The following FARSB variants were observed in gnomAD, a reference collection of about 807,000 sequenced individuals.
FARSB encodes phenylalanyl-tRNA synthetase subunit beta, also known as phenylalanine--tRNA ligase beta subunit.
A neutral mutation model predicts 69.6 loss-of-function variants in FARSB; 40 were observed. The ratio of observed to expected loss-of-function variants is 0.57; its 90% CI spans 0.45 to 0.75. The LOEUF is 0.75. FARSB is among the 30% of genes least tolerant of loss of function. FARSB has a pLI of 0.00. For missense variants in FARSB, 632 were observed against 722.9 expected, an observed-to-expected ratio of 0.87 and a Z score of 1.44; for synonymous variants, 235 against 247.2, an observed-to-expected ratio of 0.95 and a Z score of 0.46.
chr2:222,572,143 G>T, intron 16 of FARSB, 121 bp from the exon 17 acceptor site: 1 of 782,462 alleles, frequency 1.3e-6, no homozygotes, highest in Non-Finnish European at 2.0e-6. Context: ...CACTGGCTAT[G>T]AAAAGAGAAC....
At chr2:222,605,319 G>A (rs557726629) in intron 15 of FARSB, among the ~76,000 whole-genome samples, 2 of 152,018 alleles carry the variant, frequency 1.3e-5, no homozygotes, top group Non-Finnish European at 2.9e-5. Context: ...CCCATTTGTT[G>A]GTGTGGATGT....
At chr2:222,632,016 G>A (rs1574944708) in intron 7 of FARSB, among the ~76,000 whole-genome samples, 1 of 152,214 alleles carries the variant, frequency 6.6e-6, no homozygotes, top group Non-Finnish European at 1.5e-5. Flanking sequence ...AGGTTGTGGT[G>A]AGCCGAGATG....
intron 1 of FARSB, among the ~76,000 whole-genome samples, chr2:222,653,378 A>C (rs1299477711): frequency 6.6e-6 from 1 of 152,122 alleles, no homozygotes; most frequent in Non-Finnish European, 1.5e-5. Context: ...TGTGGATTTT[A>C]AAAGTGTGAA....
At chr2:222,642,807 GA>G in intron 3 of FARSB, 43 bp downstream of exon 3, 4 of 1,462,786 alleles carry the variant, frequency 2.7e-6, no homozygotes, top group Non-Finnish European at 3.7e-6. Context: ...GGAAAGAAAA[GA>G]AAACCCAACT....
intron 4 of FARSB, among the ~76,000 whole-genome samples, chr2:222,640,444 G>A (rs1283488386): frequency 2.6e-5 from 4 of 151,650 alleles, no homozygotes; most frequent in African/African-American, 7.3e-5. Context: ...GGGCAACATG[G>A]TGAAAACCCA....
At position 222,623,720 on chromosome 2, in the gene FARSB, T is replaced by G. The variant is rs778142270; in HGVS notation, c.1181A>C (p.Asn394Thr). The change falls in exon 13 of 17, where the codon AAT becomes ACT. Residue 394 changes from asparagine (N) to threonine (T), a missense_variant. Asn to Thr is a moderately conservative substitution (Grantham distance 65). Transcript: ENST00000281828. ...TYTIANQFPL[N>T]KLTELLRHDM... Reference sequence around the variant, plus strand: ...ATGTCGGAGAAGTTCAGTGAGCTTATTAAGAGGAAACTGAAAAAAAAAGCA... The same window carrying G: ...ATGTCGGAGAAGTTCAGTGAGCTTAGTAAGAGGAAACTGAAAAAAAAAGCA... 5 of 1,605,194 alleles carry G rather than the reference T, an allele frequency of 3.1e-6. No individual in the cohort carries two copies. In the South Asian group the frequency reaches 5.6e-5, roughly 18 times the overall value.
At chr2:222,619,406 G>T (rs552734768) in intron 14 of FARSB, among the ~76,000 whole-genome samples, 1 of 151,668 alleles carries the variant, frequency 6.6e-6, no homozygotes, top group African/African-American at 2.4e-5. Context: ...GATTGGGCCA[G>T]ATAATACAAA....
intron 5 of FARSB, among the ~76,000 whole-genome samples, chr2:222,637,787 C>CCTG (rs1204678492): frequency 6.6e-6 from 1 of 151,960 alleles, no homozygotes; most frequent in East Asian, 1.9e-4. Flanking sequence ...ATAAGGCCAG[C>CCTG]CTGGACAATA....
At chr2:222,616,545 C>CAAAAAAAAA (rs11447332) in intron 14 of FARSB, among the ~76,000 whole-genome samples, 6 of 74,052 alleles carry the variant, frequency 8.1e-5, no homozygotes, top group East Asian at 4.5e-4. Flanking sequence ...GACTCCATCT[C>CAAAAAAAAA]AAAAAAAAAA....
chr2:222,594,253 A>T (rs998656548), intron 16 of FARSB, among the ~76,000 whole-genome samples: 1 of 152,048 alleles, frequency 6.6e-6, no homozygotes, highest in Non-Finnish European at 1.5e-5. Flanking sequence ...AAAAAATAAC[A>T]ACTGTTTTAC....
intron 5 of FARSB, among the ~76,000 whole-genome samples, chr2:222,635,344 T>C (rs759768095): frequency 2.0e-5 from 3 of 152,216 alleles, no homozygotes; most frequent in Admixed American, 1.3e-4. Flanking sequence ...TAGTTTAAAG[T>C]GTATGTGCAC....
chr2:222,599,922 T>C lies in FARSB; in HGVS notation c.1618+6A>G, dbSNP rs1690516454. The C allele has an allele frequency of 1.3e-6, 2 of 1,589,270 alleles. No individual in the cohort carries two copies. The highest frequency in any genetic ancestry group is 1.7e-6 in the Non-Finnish European group (2 of 1,173,298). Reference sequence around the variant, plus strand: ...ACTAACTCTGGATTCGGCTCATCTGTCTTACCTTCTGATGCTTTGATCACA... The same window carrying C: ...ACTAACTCTGGATTCGGCTCATCTGCCTTACCTTCTGATGCTTTGATCACA... On this transcript the variant is annotated splice_donor_region_variant and intron_variant, in intron 16 of 16. Transcript: ENST00000281828.
Position 222,568,247 on chromosome 2 carries a change from T to C in FARSB, c.*3624A>G, listed in dbSNP as rs190589062. 6.6e-6 allele frequency: 1 copy of C among 152,288 alleles called. No individual in the cohort carries two copies. The highest frequency in any genetic ancestry group is 1.5e-5 in the Non-Finnish European group (1 of 68,002). 9.4% of individuals were successfully genotyped at this position (152,288 alleles called of 1,614,324 possible). Reference sequence around the variant, plus strand: ...CAGTTTGCAGAGTTTTTTTAAAGTATTGGACTTAACAATTTTTAACTTTTT... The same window carrying C: ...CAGTTTGCAGAGTTTTTTTAAAGTACTGGACTTAACAATTTTTAACTTTTT... On this transcript the variant is annotated 3_prime_UTR_variant, in exon 17 of 17. Coordinates refer to ENST00000281828, the MANE Select transcript of FARSB (RefSeq NM_005687.5). The surrounding 1 kb of genome is among the most constrained non-coding windows in gnomAD (Gnocchi z 4.3).
chr2:222,621,393 T>C (rs776891965), intron 13 of FARSB, among the ~76,000 whole-genome samples: 4 of 152,140 alleles, frequency 2.6e-5, no homozygotes, highest in Non-Finnish European at 4.4e-5. Flanking sequence ...CGACTAATTT[T>C]TGTATTTTTA....
chr2:222,628,766 A>G, intron 10 of FARSB, 71 bp downstream of exon 10: 1 of 1,042,706 alleles, frequency 9.6e-7, no homozygotes, highest in East Asian at 2.4e-5. Flanking sequence ...GACAGACAGA[A>G]CATGAGTGCT....
rs1689672660 is a variant in FARSB, at chr2:222,568,849, A to AC, written c.*3021_*3022insG. On this transcript the variant is annotated 3_prime_UTR_variant, in exon 17 of 17. Coordinates refer to ENST00000281828, the MANE Select transcript of FARSB (RefSeq NM_005687.5). This position sits in a 1 kb window ranked among gnomAD's most constrained non-coding sequence, Gnocchi z 4.3. The stretch of plus-strand genomic sequence containing the variant: ...AGCGAGACTCCGTCTAAAAAAACAA[A>AC]AAACAAACAAAACTAGAAGAGCACT... 1 of 152,352 alleles carries AC rather than the reference A, an allele frequency of 6.6e-6. No individual in the cohort carries two copies. Among genetic ancestry groups the AC allele is most frequent in the Non-Finnish European group, 1.5e-5 (1 of 68,154 alleles). The allele number at this position is 152,352 out of a possible 1,614,324, so 9.4% of individuals were successfully genotyped here.
intron 5 of FARSB, among the ~76,000 whole-genome samples, chr2:222,638,240 A>G (rs184060088): frequency 8.5e-5 from 13 of 152,348 alleles, no homozygotes; most frequent in African/African-American, 2.6e-4. Flanking sequence ...TACTGACAGA[A>G]AAGAACTCTG....
chr2:222,585,864 T>C (rs1036932413), intron 16 of FARSB, among the ~76,000 whole-genome samples: 1 of 152,050 alleles, frequency 6.6e-6, no homozygotes, highest in Non-Finnish European at 1.5e-5. Flanking sequence ...TGGGACTATG[T>C]GAAAAGACCA....
chr2:222,602,576 T>C (rs1311242313), intron 15 of FARSB, among the ~76,000 whole-genome samples: 3 of 138,752 alleles, frequency 2.2e-5, no homozygotes. Context: ...TGGCTTTTCT[T>C]TTTTTTTTTA....
Sources: allele counts gnomAD v4.1 joint callset (sites outside exome capture counted in the v4.1 genomes callset), GRCh38; gene constraint gnomAD v4.1.1; non-coding constraint Gnocchi (gnomAD v3.1); transcripts MANE v1.5; gene names NCBI Gene and HGNC (gene_info 2026-07-23, HGNC 2026-07-21).